Variants in DAB1 observed in about 807,000 individuals in gnomAD.
The protein encoded by DAB1 is disabled homolog 1.
A neutral mutation model predicts 64.6 loss-of-function variants in DAB1; 15 were observed. The observed-to-expected ratio is 0.23, with a 90% CI of 0.16 to 0.36. DAB1 has a LOEUF of 0.36. Among genes scored for constraint, DAB1 ranks in the 10% least tolerant of loss-of-function variants. DAB1 has a pLI of 1.00. For missense variants in DAB1, 596 were observed against 706.7 expected, an observed-to-expected ratio of 0.84 and a Z score of 1.78; for synonymous variants, 235 against 251.9, an observed-to-expected ratio of 0.93 and a Z score of 0.64.
At chr1:58,334,057 G>C (rs1663038395) in intron 4 of DAB1, among the ~76,000 whole-genome samples, 1 of 152,178 alleles carries the variant, frequency 6.6e-6, no homozygotes, top group Non-Finnish European at 1.5e-5. Context: ...TGCCATGTGA[G>C]ATGCCTGTAC....
At chr1:57,547,003 T>A (rs532097418) in intron 7 of DAB1, among the ~76,000 whole-genome samples, 163 of 152,074 alleles carry the variant, frequency 1.1e-3, no homozygotes, top group African/African-American at 3.9e-3. Context: ...TTTTTTTTAA[T>A]GAAAACAAAA....
At chr1:58,373,134 T>C (rs1005438498) in intron 3 of DAB1, among the ~76,000 whole-genome samples, 8 of 152,128 alleles carry the variant, frequency 5.3e-5, no homozygotes, top group African/African-American at 1.7e-4. Context: ...AGTTTACTAA[T>C]ACTTTTCTAA....
At chr1:57,308,115 A>G (rs928585819) in intron 1 of DAB1, among the ~76,000 whole-genome samples, 5 of 152,248 alleles carry the variant, frequency 3.3e-5, no homozygotes, top group African/African-American at 4.8e-5. Flanking sequence ...CAAAATAAAG[A>G]TAACAGAATA....
chr1:57,949,625 T>C (rs1645241503), intron 5 of DAB1, among the ~76,000 whole-genome samples: 1 of 152,202 alleles, frequency 6.6e-6, no homozygotes, highest in African/African-American at 2.4e-5. Context: ...TTCTTGTTTT[T>C]ATACTTTATG....
intron 1 of DAB1, among the ~76,000 whole-genome samples, chr1:58,537,452 A>G (rs899532454): frequency 6.6e-6 from 1 of 152,220 alleles, no homozygotes; most frequent in African/African-American, 2.4e-5. Flanking sequence ...GTGAAAAAGG[A>G]GAGATAACAA....
chr1:57,763,736 A>C (rs1453973913), intron 6 of DAB1, among the ~76,000 whole-genome samples: 1 of 152,178 alleles, frequency 6.6e-6, no homozygotes, highest in East Asian at 1.9e-4. Context: ...TCCTGATCAC[A>C]GGGTTAAAGT....
intron 7 of DAB1, among the ~76,000 whole-genome samples, chr1:57,559,545 G>T (rs988709949): frequency 6.6e-6 from 1 of 152,186 alleles, no homozygotes; most frequent in Non-Finnish European, 1.5e-5. Flanking sequence ...AGCTGATGTT[G>T]ATTCCAGGGG....
At position 56,995,082 on chromosome 1, in the gene DAB1, T is replaced by C. The variant is rs1353374460; in HGVS notation, c.*3062A>G. 4 of 152,258 alleles carry C rather than the reference T, an allele frequency of 2.6e-5. No homozygotes were observed. In the East Asian group the frequency reaches 5.8e-4, roughly 22 times the overall value. The allele number at this position is 152,258 out of a possible 1,614,324, so 9.4% of individuals were successfully genotyped here. ...AAAAGAAGGTGCCCAGTACATTACA[T>C]GATGGGGTTTCAGGAGACACTGGGA... is the stretch of plus-strand genomic sequence containing the variant. On this transcript the variant is annotated 3_prime_UTR_variant, in exon 15 of 15. Transcript: ENST00000371236.
At chr1:57,528,637 GACACACACAC>G (rs372009576) in intron 7 of DAB1, among the ~76,000 whole-genome samples, 87 of 22,180 alleles carry the variant, frequency 3.9e-3, no homozygotes, top group African/African-American at 4.3e-3. Flanking sequence ...AAAGCAGCAG[GACACACACAC>G]ACACACACAC....
chr1:57,620,508 T>C (rs1258118765), intron 7 of DAB1, among the ~76,000 whole-genome samples: 2 of 152,164 alleles, frequency 1.3e-5, no homozygotes, highest in African/African-American at 4.8e-5. Context: ...TGTACAGAAA[T>C]AGAGTGTTTC....
chr1:57,303,677 A>C (rs1280149866), intron 1 of DAB1, among the ~76,000 whole-genome samples: 1 of 152,122 alleles, frequency 6.6e-6, no homozygotes, highest in Non-Finnish European at 1.5e-5. Context: ...ACAAACAAAA[A>C]AAAACAGATA....
intron 6 of DAB1, among the ~76,000 whole-genome samples, chr1:57,729,642 C>T (rs1334847781): frequency 1.3e-5 from 2 of 152,218 alleles, no homozygotes; most frequent in South Asian, 4.1e-4. Flanking sequence ...CAGAGAATGG[C>T]ATGCTGGCAG....
At chr1:57,718,845 G>A (rs1311842450) in intron 6 of DAB1, among the ~76,000 whole-genome samples, 1 of 152,080 alleles carries the variant, frequency 6.6e-6, no homozygotes, top group African/African-American at 2.4e-5. Context: ...GCCTTGAGAT[G>A]ATGTGTTTCA....
chr1:58,034,959 C>T (rs894368396), intron 5 of DAB1, among the ~76,000 whole-genome samples: 1 of 152,196 alleles, frequency 6.6e-6, no homozygotes, highest in African/African-American at 2.4e-5. Flanking sequence ...CTCTTCCCCT[C>T]GAACCTGTGT....
intron 4 of DAB1, among the ~76,000 whole-genome samples, chr1:58,169,696 A>G (rs959632467): frequency 1.7e-4 from 26 of 152,174 alleles, no homozygotes; most frequent in African/African-American, 5.8e-4. Context: ...AGGACCTCTC[A>G]GCTTACCCCC....
intron 4 of DAB1, among the ~76,000 whole-genome samples, chr1:58,249,613 G>A (rs1660705526): frequency 6.6e-6 from 1 of 152,120 alleles, no homozygotes; most frequent in African/African-American, 2.4e-5. Context: ...CGGACTGAGC[G>A]AGGAAATGCT....
intron 1 of DAB1, among the ~76,000 whole-genome samples, chr1:57,330,148 TG>T (rs967079355): frequency 6.6e-6 from 1 of 152,166 alleles, no homozygotes; most frequent in African/African-American, 2.4e-5. Flanking sequence ...TTAAGCAACC[TG>T]GACAGCTGCA....
chr1:57,166,903 C>T (rs1234606382), intron 2 of DAB1, among the ~76,000 whole-genome samples: 1 of 152,144 alleles, frequency 6.6e-6, no homozygotes, highest in Non-Finnish European at 1.5e-5. Flanking sequence ...TTCAAATGTG[C>T]CTGTCTGACT....
intron 7 of DAB1, among the ~76,000 whole-genome samples, chr1:57,522,681 A>G (rs1436225734): frequency 6.6e-6 from 1 of 152,152 alleles, no homozygotes; most frequent in Non-Finnish European, 1.5e-5. Flanking sequence ...GATGCAAAGT[A>G]TTGTTCCTGG....
Sources: allele counts gnomAD v4.1 joint callset (sites outside exome capture counted in the v4.1 genomes callset), GRCh38; gene constraint gnomAD v4.1.1; transcripts MANE v1.5; gene names NCBI Gene and HGNC (gene_info 2026-07-23, HGNC 2026-07-21).